ERBB4: variants seen among roughly 807,000 people sequenced by gnomAD.
The protein encoded by ERBB4 is receptor tyrosine-protein kinase erbB-4.
Under a neutral mutation model 158.0 loss-of-function variants are expected in ERBB4, and 42 were observed. The observed-to-expected ratio is 0.27, with a 90% CI of 0.21 to 0.34. The LOEUF is 0.34. Ranked by LOEUF, ERBB4 falls within the 10% of genes least tolerant of loss-of-function variation. The probability of loss-of-function intolerance (pLI) is 1.00; values close to 1 mark genes in which losing one functional copy is unlikely to be tolerated. For missense variants in ERBB4, 1,333 were observed against 1,624.1 expected (o/e 0.82, Z 3.08); for synonymous variants, 583 against 558.7 (o/e 1.04, Z -0.61).
chr2:212,316,090 C>T (rs531978990), intron 1 of ERBB4, among the ~76,000 whole-genome samples: 13 of 151,556 alleles, frequency 8.6e-5, no homozygotes, highest in African/African-American at 3.1e-4. Context: ...ATGCTCATGG[C>T]TTTAAATAAA....
intron 1 of ERBB4, among the ~76,000 whole-genome samples, chr2:212,177,463 A>G (rs1174876153): frequency 6.6e-6 from 1 of 151,942 alleles, no homozygotes; most frequent in Non-Finnish European, 1.5e-5. Flanking sequence ...GAACTTTCAA[A>G]GTATATAGCA....
chr2:211,925,256 T>A (rs2079985159), intron 3 of ERBB4, among the ~76,000 whole-genome samples: 1 of 151,648 alleles, frequency 6.6e-6, no homozygotes. Context: ...TACCAACAGA[T>A]AAAACCTAGA....
chr2:211,393,545 A>T (rs538399629), intron 25 of ERBB4, among the ~76,000 whole-genome samples: 23 of 152,304 alleles, frequency 1.5e-4, no homozygotes, highest in African/African-American at 5.1e-4. Context: ...TTTCTCAAAC[A>T]AATTCTTACA....
At chr2:211,675,878 A>G (rs1419450469) in intron 13 of ERBB4, among the ~76,000 whole-genome samples, 1 of 149,298 alleles carries the variant, frequency 6.7e-6, no homozygotes, top group African/African-American at 2.4e-5. Flanking sequence ...AGTTTCAAAA[A>G]TGGCCATTCT....
intron 2 of ERBB4, among the ~76,000 whole-genome samples, chr2:212,077,300 T>C (rs962418496): frequency 6.6e-5 from 10 of 151,974 alleles, no homozygotes; most frequent in Admixed American, 2.6e-4. Flanking sequence ...TTACAAGACT[T>C]ATACACCGTA....
chr2:211,669,906 T>C (rs575306470), intron 14 of ERBB4, among the ~76,000 whole-genome samples: 2 of 152,324 alleles, frequency 1.3e-5, no homozygotes, highest in East Asian at 3.9e-4. Flanking sequence ...TGGTTAACTT[T>C]CTTTATATTT....
intron 3 of ERBB4, among the ~76,000 whole-genome samples, chr2:211,835,117 C>CT (rs1324937967): frequency 6.7e-6 from 1 of 148,506 alleles, no homozygotes; most frequent in East Asian, 2.0e-4. Flanking sequence ...GTTGCAAAGG[C>CT]TAATGAAATG....
chr2:211,737,503 T>C (rs138222997), intron 5 of ERBB4, among the ~76,000 whole-genome samples: 1 of 152,214 alleles, frequency 6.6e-6, no homozygotes, highest in Non-Finnish European at 1.5e-5. Flanking sequence ...ACCGGCACAA[T>C]GGATAACTAC....
chr2:212,125,681 G>C (rs946874125), intron 1 of ERBB4, among the ~76,000 whole-genome samples: 9 of 152,156 alleles, frequency 5.9e-5, no homozygotes, highest in Admixed American at 5.2e-4. Context: ...TTGGTTTTCT[G>C]TTCCTGCTTT....
At chr2:211,637,044 G>A (rs1283560369) in intron 16 of ERBB4, among the ~76,000 whole-genome samples, 3 of 151,806 alleles carry the variant, frequency 2.0e-5, no homozygotes, top group Non-Finnish European at 4.4e-5. Flanking sequence ...ACAAACTAGG[G>A]TCAAATGTTA....
chr2:212,234,452 T>C (rs963022681), intron 1 of ERBB4, among the ~76,000 whole-genome samples: 2 of 152,224 alleles, frequency 1.3e-5, no homozygotes, highest in African/African-American at 2.4e-5. Flanking sequence ...TATATGTGCA[T>C]GTGTCTTTAT....
chr2:211,902,288 CG>C lies in ERBB4; in HGVS notation c.421+45141del, dbSNP rs535962633. Among the ~76,000 whole-genome samples the C allele has an allele frequency of 3.3e-5, 5 of 151,956 alleles. No homozygotes were observed. In the South Asian group the frequency reaches 1.0e-3, roughly 32 times the overall value. ...TAAATAGAAAATGTTTCTAATGAAA[CG>C]GTATAACGGTATTTTAAGGGGAGTT... On this transcript the variant is annotated intron_variant, in intron 3 of 27. Coordinates refer to ENST00000342788, the MANE Select transcript of ERBB4 (RefSeq NM_005235.3).
At chr2:211,926,507 G>A (rs1575388372) in intron 3 of ERBB4, among the ~76,000 whole-genome samples, 1 of 152,092 alleles carries the variant, frequency 6.6e-6, no homozygotes, top group Non-Finnish European at 1.5e-5. Flanking sequence ...TTTTATCTCA[G>A]TAACTAGCTT....
At chr2:212,462,960 A>G (rs1688650442) in intron 1 of ERBB4, among the ~76,000 whole-genome samples, 1 of 152,150 alleles carries the variant, frequency 6.6e-6, no homozygotes, top group Non-Finnish European at 1.5e-5. Flanking sequence ...GGCAACATGG[A>G]TGAGCCAGGA....
At chr2:211,426,125 A>AT (rs1559155825) in intron 22 of ERBB4, among the ~76,000 whole-genome samples, 1 of 151,922 alleles carries the variant, frequency 6.6e-6, no homozygotes, top group Non-Finnish European at 1.5e-5. Flanking sequence ...TAGAAAATAT[A>AT]AAATACAAAA....
chr2:211,393,890 A>G (rs1400023816), intron 25 of ERBB4, among the ~76,000 whole-genome samples: 1 of 151,984 alleles, frequency 6.6e-6, no homozygotes, highest in African/African-American at 2.4e-5. Context: ...GCAGGAGGAG[A>G]CAATTTTAAA....
rs988191311 is a variant in ERBB4 at position 212,003,857 on chromosome 2, T to C, written c.235-56241A>G. ...TCTGTGACTCCCTGGCCAGATGACC[T>C]TGGGCAAGTTATATATTTTCTCTAA... is the stretch of plus-strand genomic sequence containing the variant. On this transcript the variant is annotated intron_variant, in intron 2 of 27. Coordinates refer to ENST00000342788, the MANE Select transcript of ERBB4 (RefSeq NM_005235.3). Among the ~76,000 whole-genome samples, 9 of 152,098 alleles carry C rather than the reference T, an allele frequency of 5.9e-5. No individual in the cohort carries two copies. The East Asian group carries it at 1.7e-3, about 29-fold the overall frequency.
chr2:211,590,516 C>A (rs2068428734), intron 19 of ERBB4, among the ~76,000 whole-genome samples: 1 of 152,078 alleles, frequency 6.6e-6, no homozygotes, highest in Admixed American at 6.5e-5. Flanking sequence ...CCCATCTGAT[C>A]TTGTGACTCC....
intron 1 of ERBB4, among the ~76,000 whole-genome samples, chr2:212,472,821 C>T (rs1689183857): frequency 6.6e-6 from 1 of 151,908 alleles, no homozygotes; most frequent in Admixed American, 6.6e-5. Flanking sequence ...ATCTGTGGTC[C>T]ATACTTTCAG....
Sources: gnomAD v4.1 joint callset for allele counts (sites outside exome capture counted in the v4.1 genomes callset) on GRCh38, gnomAD v4.1.1 for gene constraint, MANE v1.5 for transcripts, NCBI Gene and HGNC (gene_info 2026-07-23, HGNC 2026-07-21) for gene names.